Variants in ALK observed in about 807,000 individuals in gnomAD.
The protein encoded by ALK is ALK receptor tyrosine kinase, also known as ALK tyrosine kinase receptor.
ALK carries 74 observed loss-of-function variants against 163.1 expected under a neutral mutation model. The observed-to-expected ratio is 0.45, with a 90% CI of 0.38 to 0.55. The LOEUF (loss-of-function observed/expected upper bound fraction) is 0.55, where lower values mean the gene tolerates loss of function less well. ALK is among the 20% of genes least tolerant of loss of function. The probability of loss-of-function intolerance (pLI) is 0.00; values close to 1 mark genes in which losing one functional copy is unlikely to be tolerated. For synonymous variants in ALK, 960 were observed against 843.2 expected (o/e 1.14, Z -2.40); for missense variants, 2,063 against 2,105.3 (o/e 0.98, Z 0.39).
At chr2:29,566,608 G>T (rs1674197030) in intron 3 of ALK, among the ~76,000 whole-genome samples, 1 of 152,112 alleles carries the variant, frequency 6.6e-6, no homozygotes, top group African/African-American at 2.4e-5. Context: ...AAAACCTTGA[G>T]ATTTGGCAAA....
At chr2:29,202,017 T>C (rs924247415) in intron 26 of ALK, among the ~76,000 whole-genome samples, 1 of 152,166 alleles carries the variant, frequency 6.6e-6, no homozygotes, top group African/African-American at 2.4e-5. Flanking sequence ...CCATGGTGTT[T>C]AGAATAAAAT....
chr2:29,643,066 C>CAGAGATAAAATGGTATGGGGGAAAGCCAA (rs1175854076), intron 3 of ALK, among the ~76,000 whole-genome samples: 20 of 151,100 alleles, frequency 1.3e-4, no homozygotes, highest in East Asian at 1.9e-4. Context: ...TTAAAAGAGA[C>CAGAGATAAAATGGTATGGGGGAAAGCCAA]AGAGATAAAA....
chr2:29,438,864 A>G (rs1406025538), intron 4 of ALK, among the ~76,000 whole-genome samples: 2 of 152,020 alleles, frequency 1.3e-5, no homozygotes, highest in Non-Finnish European at 2.9e-5. Context: ...GCTCCTACTG[A>G]TTTGGGGAGG....
intron 1 of ALK, among the ~76,000 whole-genome samples, chr2:29,820,548 T>C (rs1264663494): frequency 1.3e-5 from 2 of 152,186 alleles, no homozygotes. Context: ...AAACATCAAA[T>C]AGATGTTTTC....
chr2:29,753,376 G>C (rs111236945), intron 1 of ALK, among the ~76,000 whole-genome samples: 12 of 152,300 alleles, frequency 7.9e-5, no homozygotes, highest in East Asian at 1.9e-4. Flanking sequence ...TAAGTTACGG[G>C]GGGGAGCACG....
chr2:29,729,254 G>A (rs1679667928), intron 1 of ALK, among the ~76,000 whole-genome samples: 1 of 152,220 alleles, frequency 6.6e-6, no homozygotes, highest in Non-Finnish European at 1.5e-5. Context: ...CCCATGGCCA[G>A]GGCCAGCAAG....
At chr2:29,206,511 G>A (rs1219279360) in intron 26 of ALK, among the ~76,000 whole-genome samples, 1 of 152,044 alleles carries the variant, frequency 6.6e-6, no homozygotes, top group East Asian at 1.9e-4. Flanking sequence ...GGCTCGAGCA[G>A]TCCTCCAGCT....
chr2:29,794,805 A>G (rs1483681573), intron 1 of ALK, among the ~76,000 whole-genome samples: 5 of 152,146 alleles, frequency 3.3e-5, no homozygotes, highest in South Asian at 4.1e-4. Flanking sequence ...ATGATCACCA[A>G]TCACATATCA....
intron 4 of ALK, among the ~76,000 whole-genome samples, chr2:29,427,486 A>T (rs1466226972): frequency 6.6e-6 from 1 of 152,106 alleles, no homozygotes; most frequent in Non-Finnish European, 1.5e-5. Context: ...ATCTAAAATC[A>T]ATTCTAATAA....
rs1017148098 is a variant in ALK, at chr2:29,267,325, A to G, written c.2041+7774T>C. 2.6e-5 allele frequency among the ~76,000 whole-genome samples: 4 copies of G among 152,166 alleles called. No individual in the cohort carries two copies. In the East Asian group the frequency reaches 7.7e-4, roughly 29 times the overall value. ...CACCCTAACTGCAACCTTACGAGAG[A>G]CTATGAAGTGGAGGACCCAGTTGAG... On this transcript the variant is annotated intron_variant, in intron 11 of 28. Transcript: ENST00000389048.
At chr2:29,270,692 G>T (rs1665360932) in intron 11 of ALK, among the ~76,000 whole-genome samples, 1 of 152,132 alleles carries the variant, frequency 6.6e-6, no homozygotes. Flanking sequence ...GAGAAACCTG[G>T]GGCTGAATCT....
At chr2:29,633,935 A>G (rs756877432) in intron 3 of ALK, among the ~76,000 whole-genome samples, 1 of 152,190 alleles carries the variant, frequency 6.6e-6, no homozygotes, top group Admixed American at 6.5e-5. Context: ...AACTCCCCCA[A>G]AAGAAATCTC....
At chr2:29,230,095 T>A (rs181842634) in intron 15 of ALK, among the ~76,000 whole-genome samples, 18 of 152,312 alleles carry the variant, frequency 1.2e-4, no homozygotes, top group Admixed American at 3.9e-4. Context: ...TCAGTATCTG[T>A]GGAGGTTCCA....
chr2:29,646,775 G>T (rs1413653114), intron 3 of ALK, among the ~76,000 whole-genome samples: 4 of 152,108 alleles, frequency 2.6e-5, no homozygotes, highest in Non-Finnish European at 5.9e-5. Flanking sequence ...GTCACACAAA[G>T]CTTTCCTGAC....
intron 1 of ALK, among the ~76,000 whole-genome samples, chr2:29,829,125 T>C (rs1665290221): frequency 8.1e-6 from 1 of 122,902 alleles, no homozygotes. Flanking sequence ...TAAGAACACA[T>C]GGACACAGGA....
intron 9 of ALK, among the ~76,000 whole-genome samples, chr2:29,281,392 C>A (rs1413321741): frequency 1.3e-5 from 2 of 152,140 alleles, no homozygotes; most frequent in Non-Finnish European, 2.9e-5. Context: ...TTTGGGGTTC[C>A]TTCCACTCTC....
intron 23 of ALK, among the ~76,000 whole-genome samples, chr2:29,218,103 G>A (rs1669689510): frequency 6.6e-6 from 1 of 152,200 alleles, no homozygotes. Context: ...CTGCATTGGT[G>A]GCTCTAGAGG....
chr2:29,833,505 T>C (rs986099855), intron 1 of ALK, among the ~76,000 whole-genome samples: 2 of 152,236 alleles, frequency 1.3e-5, no homozygotes, highest in Admixed American at 6.5e-5. Flanking sequence ...CTAAAAAAGA[T>C]GGAAGCAAAC....
chr2:29,371,318 G>A (rs1668632467), intron 5 of ALK, among the ~76,000 whole-genome samples: 1 of 152,248 alleles, frequency 6.6e-6, no homozygotes, highest in Admixed American at 6.5e-5. Context: ...AATCCCAGCA[G>A]TACACTTTCT....
Sources: allele counts gnomAD v4.1 joint callset (sites outside exome capture counted in the v4.1 genomes callset), GRCh38; gene constraint gnomAD v4.1.1; transcripts MANE v1.5; gene names NCBI Gene and HGNC (gene_info 2026-07-23, HGNC 2026-07-21).